The following HDAC4 variants were observed in gnomAD, a reference collection of about 807,000 sequenced individuals.
HDAC4 encodes the protein histone deacetylase A.
HDAC4 carries 16 observed loss-of-function variants against 135.1 expected under a neutral mutation model. The observed-to-expected ratio is 0.12, with a 90% CI of 0.08 to 0.18. The LOEUF (loss-of-function observed/expected upper bound fraction) is 0.18. Among genes scored for constraint, HDAC4 ranks in the 10% least tolerant of loss-of-function variants. The pLI, the probability that HDAC4 is intolerant of heterozygous loss-of-function variation, is 1.00. For missense variants in HDAC4, 1,143 were observed against 1,511.8 expected (o/e 0.76, Z 4.05); for synonymous variants, 685 against 653.4 (o/e 1.05, Z -0.74).
At chr2:239,246,328 G>A (rs111259144) in intron 2 of HDAC4, among the ~76,000 whole-genome samples, 18 of 152,314 alleles carry the variant, frequency 1.2e-4, no homozygotes, top group African/African-American at 3.6e-4. Context: ...CTCCCCCGTC[G>A]GAGAAACCAT....
At chr2:239,314,338 A>G (rs2053026890) in intron 2 of HDAC4, among the ~76,000 whole-genome samples, 1 of 152,214 alleles carries the variant, frequency 6.6e-6, no homozygotes, top group African/African-American at 2.4e-5. Flanking sequence ...ACACTCGACA[A>G]AACAAGAGAG....
At chr2:239,234,193 T>G (rs535467796) in intron 3 of HDAC4, among the ~76,000 whole-genome samples, 2 of 152,266 alleles carry the variant, frequency 1.3e-5, no homozygotes, top group African/African-American at 4.8e-5. Flanking sequence ...ACAGGACTGC[T>G]GCACATGCAT....
rs2033607118 is a variant in HDAC4 at position 239,067,131 on chromosome 2, C to T, written c.2870-276G>A. The T allele has an allele frequency of 7.3e-6, 4 of 544,564 alleles. No individual in the cohort carries two copies. The Admixed American group carries it at 9.4e-5, about 13-fold the overall frequency. 33.7% of individuals were successfully genotyped at this position (544,564 alleles called of 1,614,324 possible). On this transcript the variant is annotated intron_variant, in intron 23 of 26. Transcript: ENST00000543185. ...GAGGGCAGCCAGCCCCACCCAGAGG[C>T]TGCAGGCCACCTGCCCTTCGGCCCC...
At chr2:239,380,347 T>C (rs1438697210) in intron 1 of HDAC4, among the ~76,000 whole-genome samples, 1 of 152,116 alleles carries the variant, frequency 6.6e-6, no homozygotes, top group Non-Finnish European at 1.5e-5. Context: ...ATTATACATA[T>C]GTTATAAATA....
At chr2:239,379,331 G>C (rs1255820863) in intron 1 of HDAC4, among the ~76,000 whole-genome samples, 1 of 152,168 alleles carries the variant, frequency 6.6e-6, no homozygotes, top group African/African-American at 2.4e-5. Context: ...CACCAGGCCG[G>C]TGCCAGGAGA....
At chr2:239,111,081 C>T (rs1046353768) in intron 14 of HDAC4, among the ~76,000 whole-genome samples, 8 of 152,238 alleles carry the variant, frequency 5.3e-5, no homozygotes, top group South Asian at 2.1e-4. Context: ...GCTCTGCTCT[C>T]GTGTAATCAC....
At chr2:239,059,462 T>C (rs556027925) in intron 24 of HDAC4, among the ~76,000 whole-genome samples, 1 of 151,964 alleles carries the variant, frequency 6.6e-6, no homozygotes, top group South Asian at 2.1e-4. Context: ...ACCCCAGGGA[T>C]GAAAGGGGGC....
chr2:239,377,973 A>G (rs907078605), intron 1 of HDAC4, among the ~76,000 whole-genome samples: 3 of 152,166 alleles, frequency 2.0e-5, no homozygotes, highest in Non-Finnish European at 4.4e-5. Flanking sequence ...TTCTATGGAC[A>G]TCAAAATGCC....
In HDAC4 at chr2:239,370,763, T is replaced by A. The variant is rs142354586; in HGVS notation, c.-219-17845A>T. Among the ~76,000 whole-genome samples the A allele has an allele frequency of 3.4e-3, 515 of 152,318 alleles. 3 individuals carry two copies. Among genetic ancestry groups the A allele is most frequent in the African/African-American group, 0.012 (483 of 41,564 alleles). ...GGAGCTGGTTGAGCACCCACTGGAC[T>A]TGGGCTTGAAAACCTGTCTTCACAG... On this transcript the variant is annotated intron_variant, in intron 1 of 26. Coordinates refer to ENST00000543185, the MANE Select transcript of HDAC4 (RefSeq NM_001378414.1).
intron 2 of HDAC4, among the ~76,000 whole-genome samples, chr2:239,297,694 ACG>A (rs1292850551): frequency 2.0e-5 from 3 of 152,208 alleles, no homozygotes; most frequent in East Asian, 3.9e-4. Flanking sequence ...GGATTGCACC[ACG>A]CTGTCACCAT....
At chr2:239,367,757 G>A (rs765760412) in intron 1 of HDAC4, among the ~76,000 whole-genome samples, 100 of 152,286 alleles carry the variant, frequency 6.6e-4, no homozygotes, top group Admixed American at 1.2e-3. Flanking sequence ...GGAGGCTGAG[G>A]CCGGTGGATC....
intron 1 of HDAC4, among the ~76,000 whole-genome samples, chr2:239,362,710 T>C (rs1693940306): frequency 6.6e-6 from 1 of 151,998 alleles, no homozygotes; most frequent in South Asian, 2.1e-4. Flanking sequence ...CAAATACACA[T>C]CATCTCCTGG....
chr2:239,106,520 G>A (rs769622870), intron 15 of HDAC4, among the ~76,000 whole-genome samples: 12 of 152,192 alleles, frequency 7.9e-5, no homozygotes, highest in Middle Eastern at 3.4e-3. Flanking sequence ...TGGCACAGCC[G>A]TCCTGACCAG....
At chr2:239,172,631 T>C (rs1022946163) in intron 5 of HDAC4, among the ~76,000 whole-genome samples, 9 of 151,664 alleles carry the variant, frequency 5.9e-5, no homozygotes, top group African/African-American at 1.5e-4. Flanking sequence ...AAACAGAACA[T>C]AGAGAAATAA....
upstream of HDAC4, chr2:239,401,484 A>G (rs1696993518): frequency 1.8e-5 from 3 of 171,102 alleles, no homozygotes; most frequent in Non-Finnish European, 3.7e-5. Flanking sequence ...GGCCGTAAAC[A>G]CGGGCCCCGG....
rs769263695 is a variant in HDAC4 at position 239,113,445 on chromosome 2, C to T, written c.1791+1608G>A. On this transcript the variant is annotated intron_variant, in intron 13 of 26. Coordinates refer to ENST00000543185, the MANE Select transcript of HDAC4 (RefSeq NM_001378414.1). ...GTGGTTAATAAGCAATCCTCCCCGACGCGGGCTGGAGGTGCCCCGCCTTAT... is the reference window on the plus strand; with the variant it reads ...GTGGTTAATAAGCAATCCTCCCCGATGCGGGCTGGAGGTGCCCCGCCTTAT... Among the ~76,000 whole-genome samples, 26 of 152,352 alleles carry T rather than the reference C, an allele frequency of 1.7e-4. 1 individual carries two copies. The highest frequency in any genetic ancestry group is 8.3e-4 in the South Asian group (4 of 4,828).
chr2:239,331,094 TGA>T lies in HDAC4; in HGVS notation c.22+21582_22+21583del, dbSNP rs1445279772. ...CCTGAATACAGCCCAGAGGACATAC[TGA>T]GAGAGCGGCCAAGTGAAGCTCTCAG... On this transcript the variant is annotated intron_variant, in intron 2 of 26. Transcript: ENST00000543185. This position sits in a 1 kb window ranked among gnomAD's most constrained non-coding sequence, Gnocchi z 4.5. Among the ~76,000 whole-genome samples, 1 of 152,200 alleles carries T rather than the reference TGA, an allele frequency of 6.6e-6. No homozygotes were observed. The highest frequency in any genetic ancestry group is 1.5e-5 in the Non-Finnish European group (1 of 68,036).
chr2:239,054,674 G>A (rs2031503492), intron 25 of HDAC4, 75 bp downstream of exon 25: 2 of 934,762 alleles, frequency 2.1e-6, no homozygotes, highest in African/African-American at 3.2e-5. Flanking sequence ...GGGGTATAGG[G>A]GGACAGGGAT....
At chr2:239,144,521 C>T in intron 8 of HDAC4, 62 bp downstream of exon 8, 4 of 1,608,546 alleles carry the variant, frequency 2.5e-6, no homozygotes, top group Non-Finnish European at 3.4e-6. Context: ...GAGAAATCGC[C>T]TATGGCAGGA....
Sources: gnomAD v4.1 joint callset for allele counts (sites outside exome capture counted in the v4.1 genomes callset) on GRCh38, gnomAD v4.1.1 for gene constraint, Gnocchi (gnomAD v3.1) non-coding constraint, MANE v1.5 for transcripts, NCBI Gene and HGNC (gene_info 2026-07-23, HGNC 2026-07-21) for gene names.